Variants in RORA observed in about 807,000 individuals in gnomAD.
RORA encodes RAR related orphan receptor A.
In RORA, 7 loss-of-function variants were observed where a neutral mutation model predicts 69.5. The ratio of observed to expected loss-of-function variants is 0.10; its 90% CI spans 0.06 to 0.19. RORA has a LOEUF of 0.19. RORA is among the 10% of genes least tolerant of loss of function. The pLI is 1.00. For missense variants in RORA, 457 were observed against 663.0 expected (o/e 0.69, Z 3.41); for synonymous variants, 261 against 240.8 (o/e 1.08, Z -0.78).
intron 1 of RORA, among the ~76,000 whole-genome samples, chr15:60,956,709 C>T (rs1400361484): frequency 6.6e-6 from 1 of 152,188 alleles, no homozygotes; most frequent in East Asian, 1.9e-4. Context: ...ATTGAGTACT[C>T]ATCTTAAGGA....
chr15:60,526,919 G>A (rs1007815562), intron 3 of RORA, among the ~76,000 whole-genome samples: 2 of 152,174 alleles, frequency 1.3e-5, no homozygotes, highest in African/African-American at 4.8e-5. Context: ...GTGGGGGAAG[G>A]TGTCACTTAT....
At chr15:60,518,332 A>G (rs1324859673) in intron 3 of RORA, among the ~76,000 whole-genome samples, 1 of 152,278 alleles carries the variant, frequency 6.6e-6, no homozygotes, top group East Asian at 1.9e-4. Context: ...AGAAGCATAT[A>G]TTAATCATCA....
chr15:60,602,258 C>T (rs1442907585), intron 2 of RORA, among the ~76,000 whole-genome samples: 2 of 152,206 alleles, frequency 1.3e-5, no homozygotes, highest in African/African-American at 2.4e-5. Context: ...AGTCTCTCTG[C>T]TTCCAAGGAC....
At chr15:60,600,647 T>TA (rs769093806) in intron 2 of RORA, among the ~76,000 whole-genome samples, 14 of 152,190 alleles carry the variant, frequency 9.2e-5, no homozygotes, top group Non-Finnish European at 1.9e-4. Flanking sequence ...ATCCACATTT[T>TA]AAAAAATCAC....
chr15:60,962,400 C>T (rs1218225778), intron 1 of RORA, among the ~76,000 whole-genome samples: 4 of 152,166 alleles, frequency 2.6e-5, no homozygotes. Context: ...CTGTCAGAAC[C>T]AAGTACTAAG....
At chr15:60,826,208 T>C (rs964836100) in intron 1 of RORA, among the ~76,000 whole-genome samples, 1 of 152,166 alleles carries the variant, frequency 6.6e-6, no homozygotes, top group Non-Finnish European at 1.5e-5. Flanking sequence ...TGGCACATGC[T>C]TGGCACTTTT....
intron 1 of RORA, among the ~76,000 whole-genome samples, chr15:60,870,599 G>A (rs758961119): frequency 2.5e-4 from 38 of 152,218 alleles, no homozygotes; most frequent in Non-Finnish European, 2.4e-4. Context: ...ATTAGATTAC[G>A]TAGTCAGTTT....
intron 4 of RORA, among the ~76,000 whole-genome samples, chr15:60,514,292 C>T (rs553924496): frequency 6.6e-6 from 1 of 152,130 alleles, no homozygotes; most frequent in South Asian, 2.1e-4. Flanking sequence ...TTTATTAAGG[C>T]CTTCAGATGA....
intron 1 of RORA, among the ~76,000 whole-genome samples, chr15:60,919,002 G>A (rs1235918175): frequency 6.6e-6 from 1 of 152,204 alleles, no homozygotes; most frequent in Non-Finnish European, 1.5e-5. Flanking sequence ...GAAGGCAGAA[G>A]CAGAGGAGGT....
intron 2 of RORA, among the ~76,000 whole-genome samples, chr15:60,666,381 T>C (rs2070382763): frequency 6.7e-6 from 1 of 149,114 alleles, no homozygotes; most frequent in African/African-American, 2.5e-5. Flanking sequence ...ATACCTGGTC[T>C]CCCTATGTTT....
chr15:61,189,832 G>C (rs1457594136), intron 1 of RORA, among the ~76,000 whole-genome samples: 1 of 118,832 alleles, frequency 8.4e-6, no homozygotes, highest in Non-Finnish European at 1.7e-5. Context: ...ACTCCAGCCT[G>C]GGTGACAGAG....
chr15:61,064,494 C>G (rs2078230688), intron 1 of RORA, among the ~76,000 whole-genome samples: 1 of 152,184 alleles, frequency 6.6e-6, no homozygotes, highest in Non-Finnish European at 1.5e-5. Context: ...GGATCTCAAA[C>G]TTTAGAACCA....
chr15:60,780,940 T>G (rs2072244108), intron 1 of RORA, among the ~76,000 whole-genome samples: 1 of 152,236 alleles, frequency 6.6e-6, no homozygotes, highest in Admixed American at 6.5e-5. Flanking sequence ...AAGTGCTTTT[T>G]GTTCCATATC....
At position 60,894,685 on chromosome 15, in the gene RORA, A is replaced by C. The variant is rs79067694; in HGVS notation, c.167-215999T>G. The stretch of plus-strand genomic sequence containing the variant: ...CCCTCCCTAGACTTTCGGATTCTGC[A>C]GGTCTGGGGCAAGGCCTGAGAATAT... On this transcript the variant is annotated intron_variant, in intron 1 of 10. Transcript: ENST00000335670. Among the ~76,000 whole-genome samples, 314 of 152,318 alleles carry C rather than the reference A, an allele frequency of 2.1e-3. 5 individuals carry two copies. The East Asian group carries it at 0.045, about 22-fold the overall frequency.
chr15:60,888,946 C>T (rs2073781841), intron 1 of RORA, among the ~76,000 whole-genome samples: 1 of 152,184 alleles, frequency 6.6e-6, no homozygotes, highest in African/African-American at 2.4e-5. Flanking sequence ...GAGTAGGAGC[C>T]TTCACCACAG....
rs573357227 is a variant in RORA, at chr15:60,660,203, G to A, written c.196+18454C>T. ...GACGCTGACATTACTTAGACACAAT[G>A]TATCTGGAACACAGATAATGTGAAG... On this transcript the variant is annotated intron_variant, in intron 2 of 10. Coordinates refer to ENST00000335670, the MANE Select transcript of RORA (RefSeq NM_134261.3). Among the ~76,000 whole-genome samples the A allele has an allele frequency of 1.5e-4, 23 of 152,252 alleles. No homozygotes were observed. The South Asian group carries it at 4.6e-3, about 30-fold the overall frequency.
intron 1 of RORA, among the ~76,000 whole-genome samples, chr15:60,722,216 T>G (rs1200283343): frequency 1.3e-5 from 2 of 152,260 alleles, no homozygotes; most frequent in African/African-American, 4.8e-5. Context: ...GACTTCCATG[T>G]GTTGTCAACA....
intron 1 of RORA, among the ~76,000 whole-genome samples, chr15:61,137,411 T>C (rs1482479953): frequency 6.6e-6 from 1 of 152,254 alleles, no homozygotes; most frequent in East Asian, 1.9e-4. Context: ...TTTTTGAACA[T>C]TAACTTTCTT....
intron 2 of RORA, among the ~76,000 whole-genome samples, chr15:60,654,424 C>T (rs543309245): frequency 2.4e-4 from 37 of 152,266 alleles, no homozygotes; most frequent in African/African-American, 8.9e-4. Context: ...AGCAAGCAAG[C>T]AAACAGAAAC....
Sources: gnomAD v4.1 joint callset for allele counts (sites outside exome capture counted in the v4.1 genomes callset) on GRCh38, gnomAD v4.1.1 for gene constraint, MANE v1.5 for transcripts, NCBI Gene and HGNC (gene_info 2026-07-23, HGNC 2026-07-21) for gene names.